Variants in OSBPL10 observed in about 807,000 individuals in gnomAD.
The protein encoded by OSBPL10 is oxysterol-binding protein-related protein 10.
In OSBPL10, 49 loss-of-function variants were observed where a neutral mutation model predicts 81.7. The ratio of observed to expected loss-of-function variants is 0.60; its 90% CI spans 0.48 to 0.76. OSBPL10 has a LOEUF of 0.76. OSBPL10 is among the 30% of genes least tolerant of loss of function. The pLI is 0.00. For synonymous variants in OSBPL10, 419 were observed against 383.6 expected (o/e 1.09, Z -1.08); for missense variants, 923 against 987.8 (o/e 0.93, Z 0.88).
At chr3:31,956,809 T>A (rs1219374610) in intron 1 of OSBPL10, among the ~76,000 whole-genome samples, 1 of 152,000 alleles carries the variant, frequency 6.6e-6, no homozygotes, top group African/African-American at 2.4e-5. Context: ...CAATCTTGGA[T>A]GCTGCTTGGT....
rs58717718 is a variant in OSBPL10, at chr3:32,026,057, T to TAGATGATAGATA, written n.298+20433_298+20434insTATCTATCATCT. On this transcript the variant is annotated intron_variant and non_coding_transcript_variant, in intron 2 of 3. Coordinates refer to the OSBPL10 transcript ENST00000479173. ...ATAGATAGATAGATAGATAGATAGA[T>TAGATGATAGATA]GATAGATAGATAGATAGATAGATAG... Among the ~76,000 whole-genome samples the TAGATGATAGATA allele has an allele frequency of 6.8e-3, 752 of 111,246 alleles. 4 individuals are homozygous for TAGATGATAGATA. The highest frequency in any genetic ancestry group is 0.014 in the African/African-American group (412 of 29,226). The allele number at this position is 111,246 out of a possible 152,430, so 73.0% of individuals were successfully genotyped here.
chr3:31,814,276 C>T (rs1393107350), intron 4 of OSBPL10, among the ~76,000 whole-genome samples: 1 of 152,206 alleles, frequency 6.6e-6, no homozygotes, highest in Non-Finnish European at 1.5e-5. Flanking sequence ...AAATCATAAA[C>T]ACAAAGTCGA....
At chr3:31,898,951 CTTTTTTTTTTTTT>C (rs201574850) in intron 1 of OSBPL10, among the ~76,000 whole-genome samples, 2 of 87,344 alleles carry the variant, frequency 2.3e-5, no homozygotes, top group Non-Finnish European at 4.2e-5. Context: ...AACTTTAAAC[CTTTTTTTTTTTTT>C]TTTTTTTTTT....
intron 1 of OSBPL10, among the ~76,000 whole-genome samples, chr3:31,925,606 A>G (rs1697049971): frequency 1.3e-5 from 2 of 151,948 alleles, no homozygotes; most frequent in African/African-American, 4.8e-5. Context: ...TGAGGTCAGG[A>G]GTTCAAGACC....
intron 3 of OSBPL10, among the ~76,000 whole-genome samples, chr3:31,861,825 G>C (rs186232105): frequency 1.4e-3 from 206 of 152,242 alleles, no homozygotes; most frequent in Non-Finnish European, 2.2e-3. Context: ...GTGGTACTTG[G>C]CCAGTAGCTA....
chr3:31,668,646 A>T lies in OSBPL10; in HGVS notation c.2092T>A (p.Ser698Thr). The change falls in exon 10 of 12, where the codon TCC becomes ACC. Residue 698 changes from serine to threonine, a missense_variant. Ser to Thr is a moderately conservative substitution (Grantham distance 58, BLOSUM62 1). Transcript: ENST00000396556. ...AAGACACAGCCCGGTTCTCACCTGGACTCCATGGGTCCCTGCTTCTCAAGA... is the reference window on the plus strand; with the variant it reads ...AAGACACAGCCCGGTTCTCACCTGGTCTCCATGGGTCCCTGCTTCTCAAGA... ...RPLEKQGPME[S>T]RNLWREVTRY... 6.2e-7 allele frequency: 1 copy of T among 1,611,500 alleles called. No individual in the cohort carries two copies. The highest frequency in any genetic ancestry group is 8.5e-7 in the Non-Finnish European group (1 of 1,178,536).
At chr3:32,068,629 G>A (rs1478548209) in intron 1 of OSBPL10, among the ~76,000 whole-genome samples, 1 of 152,140 alleles carries the variant, frequency 6.6e-6, no homozygotes, top group East Asian at 1.9e-4. Context: ...TAAATGGCCA[G>A]AAAACGGCAC....
At chr3:32,037,410 G>A (rs915196580) in intron 2 of OSBPL10, 35 of 155,340 alleles carry the variant, frequency 2.3e-4, no homozygotes, top group Non-Finnish European at 4.8e-4. Context: ...AGCACTTTGG[G>A]AGGCCAGGGT....
At chr3:31,948,989 G>A (rs1697783933) in intron 1 of OSBPL10, among the ~76,000 whole-genome samples, 1 of 152,184 alleles carries the variant, frequency 6.6e-6, no homozygotes, top group Non-Finnish European at 1.5e-5. Context: ...TGTTTGGTAA[G>A]GTGCCAGAGA....
chr3:31,861,651 C>A (rs1281489340), intron 3 of OSBPL10, among the ~76,000 whole-genome samples: 1 of 152,148 alleles, frequency 6.6e-6, no homozygotes, highest in African/African-American at 2.4e-5. Context: ...ACTAACCATT[C>A]CCTTGGCAAG....
At chr3:31,698,990 C>T (rs572962111) in intron 7 of OSBPL10, among the ~76,000 whole-genome samples, 1 of 152,306 alleles carries the variant, frequency 6.6e-6, no homozygotes, top group South Asian at 2.1e-4. Context: ...TCTCAATGTT[C>T]TGCTGCAATC....
At position 31,670,741 on chromosome 3, in the gene OSBPL10, G is replaced by C. The variant is rs149932506; in HGVS notation, c.1913+56C>G. On this transcript the variant is annotated intron_variant, in intron 9 of 11. Transcript: ENST00000396556. ...GAAACTCAGTCTTCTAATGGTGAAA[G>C]GAAACTCAGGGCATCTTGTTAAGAC... 4.9e-4 allele frequency: 746 copies of C among 1,510,926 alleles called. 4 individuals are homozygous for C. In the African/African-American group the frequency reaches 9.1e-3, roughly 18 times the overall value. 93.6% of individuals were successfully genotyped at this position (1,510,926 alleles called of 1,614,324 possible).
intron 8 of OSBPL10, among the ~76,000 whole-genome samples, chr3:31,681,035 T>C (rs1026442571): frequency 9.2e-5 from 14 of 152,334 alleles, no homozygotes; most frequent in African/African-American, 3.1e-4. Context: ...TATTTTTACA[T>C]CTTTCCCCCA....
At chr3:32,031,610 C>CG (rs1297577283) in intron 2 of OSBPL10, among the ~76,000 whole-genome samples, 1 of 152,010 alleles carries the variant, frequency 6.6e-6, no homozygotes, top group Non-Finnish European at 1.5e-5. Context: ...TACAGGCATA[C>CG]GCCCGGCTAA....
chr3:31,842,892 C>G (rs1294600860), intron 3 of OSBPL10, among the ~76,000 whole-genome samples: 1 of 152,128 alleles, frequency 6.6e-6, no homozygotes, highest in Non-Finnish European at 1.5e-5. Context: ...GCTGAGAATA[C>G]GTTCCATAAT....
intron 7 of OSBPL10, among the ~76,000 whole-genome samples, chr3:31,689,610 C>A (rs1200700646): frequency 6.6e-6 from 1 of 152,086 alleles, no homozygotes; most frequent in Non-Finnish European, 1.5e-5. Flanking sequence ...GGGAGGGACC[C>A]AGTGGGAGGT....
chr3:31,730,465 C>T (rs1201626023), intron 6 of OSBPL10, among the ~76,000 whole-genome samples: 2 of 152,008 alleles, frequency 1.3e-5, no homozygotes, highest in East Asian at 3.8e-4. Context: ...ACACGGAAAA[C>T]CTTTTTCTAT....
chr3:31,973,968 C>T (rs1284041863), intron 1 of OSBPL10, among the ~76,000 whole-genome samples: 1 of 152,178 alleles, frequency 6.6e-6, no homozygotes, highest in African/African-American at 2.4e-5. Context: ...TGTGGTATAT[C>T]CACAGGACAT....
At chr3:31,878,652 A>G (rs1230998733) in intron 2 of OSBPL10, among the ~76,000 whole-genome samples, 1 of 152,194 alleles carries the variant, frequency 6.6e-6, no homozygotes, top group African/African-American at 2.4e-5. Flanking sequence ...GAGGCAACTG[A>G]TCATGGTCAC....
Sources: allele counts gnomAD v4.1 joint callset (sites outside exome capture counted in the v4.1 genomes callset), GRCh38; gene constraint gnomAD v4.1.1; transcripts MANE v1.5; gene names NCBI Gene and HGNC (gene_info 2026-07-23, HGNC 2026-07-21).